WASHC5: variants seen among roughly 807,000 people sequenced by gnomAD.
WASHC5 encodes WASH complex subunit strumpellin.
WASHC5 carries 101 observed loss-of-function variants against 150.4 expected under a neutral mutation model. The observed-to-expected ratio is 0.67, with a 90% CI of 0.57 to 0.79. The LOEUF is 0.79. WASHC5 is among the 30% of genes least tolerant of loss of function. WASHC5 has a pLI of 0.00. For missense variants in WASHC5, 1,195 were observed against 1,396.3 expected (o/e 0.86, Z 2.30); for synonymous variants, 467 against 491.2 (o/e 0.95, Z 0.65).
At position 125,067,646 on chromosome 8, in the gene WASHC5, C is replaced by A; in HGVS notation, c.1224G>T (p.Arg408Ser). 6.2e-7 allele frequency: 1 copy of A among 1,613,358 alleles called. No individual in the cohort carries two copies. The highest frequency in any genetic ancestry group is 8.5e-7 in the Non-Finnish European group (1 of 1,179,514). Residue 408 changes from arginine (R) to serine (S), a missense_variant, in exon 10 of 29, where the codon AGG (arginine) becomes AGT (serine). This residue lies in a region of WASHC5 where 997 missense variants were observed against 1,168.1 expected (regional missense o/e 0.85). Transcript: ENST00000318410. ...TATCTAACAGCAGCTGGAAGAGGATCCTGGGATTGTACCGAGAGTCTGTTA... is the reference window on the plus strand; with the variant it reads ...TATCTAACAGCAGCTGGAAGAGGATACTGGGATTGTACCGAGAGTCTGTTA... ...QILTDSRYNP[R>S]ILFQLLLDTA...
At chr8:125,071,479 C>T (rs1816894156) in intron 9 of WASHC5, among the ~76,000 whole-genome samples, 1 of 152,090 alleles carries the variant, frequency 6.6e-6, no homozygotes, top group Admixed American at 6.5e-5. Flanking sequence ...CTCAGTGGGC[C>T]CATATGTTTT....
chr8:125,060,485 C>CA lies in WASHC5; in HGVS notation c.1521+596dup, dbSNP rs58207257. Among the ~76,000 whole-genome samples, 416 of 130,188 alleles carry CA rather than the reference C, an allele frequency of 3.2e-3. 2 individuals are homozygous for CA. Among genetic ancestry groups the CA allele is most frequent in the Middle Eastern group, 0.019 (5 of 270 alleles). The allele number at this position is 130,188 out of a possible 152,430, so 85.4% of individuals were successfully genotyped here. Reference sequence around the variant, plus strand: ...TGGGTGACAGAACTGGATTCCGTCTCAAAAAAAAAAAAAAGAGTTTATGAT... The same window carrying CA: ...TGGGTGACAGAACTGGATTCCGTCTCAAAAAAAAAAAAAAAGAGTTTATGAT... On this transcript the variant is annotated intron_variant, in intron 12 of 28. Coordinates refer to ENST00000318410, the MANE Select transcript of WASHC5 (RefSeq NM_014846.4).
chr8:125,086,757 G>C (rs756269851), intron 1 of WASHC5, among the ~76,000 whole-genome samples: 2 of 152,154 alleles, frequency 1.3e-5, no homozygotes, highest in Non-Finnish European at 2.9e-5. Flanking sequence ...TTGGGTGTCC[G>C]AAGCTGCCAT....
intron 6 of WASHC5, among the ~76,000 whole-genome samples, chr8:125,076,744 T>TAAAAAAAAAAAA (rs59580091): frequency 1.1e-3 from 143 of 132,214 alleles, no homozygotes; most frequent in South Asian, 2.6e-3. Flanking sequence ...AGTCTTTTCT[T>TAAAAAAAAAAAA]AAAAAAAAAA....
At chr8:125,062,790 A>T (rs77624663) in intron 11 of WASHC5, among the ~76,000 whole-genome samples, 4 of 152,162 alleles carry the variant, frequency 2.6e-5, no homozygotes, top group African/African-American at 9.7e-5. Flanking sequence ...CATCAGAAAT[A>T]GATCTGATAG....
chr8:125,055,473 A>G lies in WASHC5; in HGVS notation c.2097+118T>C. 7 of 765,812 alleles carry G rather than the reference A, an allele frequency of 9.1e-6. 1 individual carries two copies. The highest frequency in any genetic ancestry group is 2.5e-5 in the East Asian group (1 of 40,746). 47.4% of individuals were successfully genotyped at this position (765,812 alleles called of 1,614,324 possible). A position where few individuals can be genotyped will look rare whatever the true frequency, so the allele number is the denominator to read the frequency against. On this transcript the variant is annotated intron_variant, in intron 17 of 28. Coordinates refer to ENST00000318410, the MANE Select transcript of WASHC5 (RefSeq NM_014846.4). ...ATAAATGAGTAAAATGAAGACCGAA[A>G]TTGGAATGTCAAACAGCCAGATGAT...
At position 125,024,602 on chromosome 8, in the gene WASHC5, A is replaced by AAGT; in HGVS notation, c.*12_*14dup. The AAGT allele has an allele frequency of 6.3e-7, 1 of 1,584,066 alleles. No homozygotes were observed. Among genetic ancestry groups the AAGT allele is most frequent in the Non-Finnish European group, 8.7e-7 (1 of 1,152,708 alleles). On this transcript the variant is annotated 3_prime_UTR_variant, in exon 29 of 29. Coordinates refer to ENST00000318410, the MANE Select transcript of WASHC5 (RefSeq NM_014846.4). ...TCTAAGGACAATCCTTCCATTGAAGAAGTAGGAAAAACAGTTACAGCACTG... is the reference window on the plus strand; with the variant it reads ...TCTAAGGACAATCCTTCCATTGAAGAAGTAGTAGGAAAAACAGTTACAGCACTG...
At chr8:125,078,171 T>C (rs1318828704) in intron 6 of WASHC5, among the ~76,000 whole-genome samples, 1 of 152,194 alleles carries the variant, frequency 6.6e-6, no homozygotes, top group African/African-American at 2.4e-5. Flanking sequence ...CTACTACACA[T>C]ACTGGCAAGG....
intron 27 of WASHC5, among the ~76,000 whole-genome samples, chr8:125,029,780 G>A (rs6989556): frequency 0.19 from 28,175 of 152,092 alleles, 3,078 homozygotes; most frequent in Middle Eastern, 0.35. Flanking sequence ...TCCAATTCCT[G>A]TACCAATTGG....
chr8:125,076,744 T>TAAAAAAAAAAAAAAAA lies in WASHC5; in HGVS notation c.712-260_712-245dup, dbSNP rs59580091. ...ACCGCTGCAATTCTAAGTCTTTTCT[T>TAAAAAAAAAAAAAAAA]AAAAAAAAAAAAAAAAAGTCCCATT... On this transcript the variant is annotated intron_variant, in intron 6 of 28. Coordinates refer to ENST00000318410, the MANE Select transcript of WASHC5 (RefSeq NM_014846.4). Among the ~76,000 whole-genome samples, 100 of 132,244 alleles carry TAAAAAAAAAAAAAAAA rather than the reference T, an allele frequency of 7.6e-4. 4 individuals carry two copies. The highest frequency in any genetic ancestry group is 3.0e-3 in the African/African-American group (94 of 31,474). The allele number at this position is 132,244 out of a possible 152,430, so 86.8% of individuals were successfully genotyped here. A position where few individuals can be genotyped will look rare whatever the true frequency, so the allele number is the denominator to read the frequency against.
chr8:125,062,151 G>A (rs1022068847), intron 11 of WASHC5, among the ~76,000 whole-genome samples: 2 of 152,140 alleles, frequency 1.3e-5, no homozygotes, highest in Non-Finnish European at 2.9e-5. Context: ...GGCAGCGATG[G>A]AGTAGTAGAA....
rs73346253 is a variant in WASHC5, at chr8:125,034,191, T to C, written c.3182-1797A>G. On this transcript the variant is annotated intron_variant, in intron 26 of 28. Transcript: ENST00000318410. ...AAATTAAAGCTGCAACAAGATACCA[T>C]AGATACCCATCAGGATGGCTAAAAT... Among the ~76,000 whole-genome samples the C allele has an allele frequency of 1.0e-3, 159 of 152,188 alleles. 2 individuals carry two copies. Among genetic ancestry groups the C allele is most frequent in the African/African-American group, 3.4e-3 (142 of 41,524 alleles).
chr8:125,026,785 T>C (rs1346701677), intron 28 of WASHC5, among the ~76,000 whole-genome samples: 2 of 152,168 alleles, frequency 1.3e-5, no homozygotes, highest in South Asian at 4.1e-4. Context: ...CACCCTATTT[T>C]GGTTTCTACA....
At chr8:125,081,114 T>G (rs543949771) in intron 5 of WASHC5, among the ~76,000 whole-genome samples, 134 of 152,214 alleles carry the variant, frequency 8.8e-4, no homozygotes, top group Admixed American at 2.9e-3. Flanking sequence ...AATCCATACT[T>G]CTAATAATCT....
Position 125,060,048 on chromosome 8 carries a change from A to G in WASHC5, c.1522-506T>C, listed in dbSNP as rs183689240. On this transcript the variant is annotated intron_variant, in intron 12 of 28. Coordinates refer to ENST00000318410, the MANE Select transcript of WASHC5 (RefSeq NM_014846.4). The stretch of plus-strand genomic sequence containing the variant: ...ATTATTTTACTGTGTTGCTGTTTAT[A>G]GCGACCATCCTAAAAACCTTGCAGA... Among the ~76,000 whole-genome samples, 497 of 152,370 alleles carry G rather than the reference A, an allele frequency of 3.3e-3. 2 individuals are homozygous for G. The highest frequency in any genetic ancestry group is 0.01 in the Middle Eastern group (3 of 294).
At chr8:125,079,615 AAG>A (rs112382708) in intron 5 of WASHC5, among the ~76,000 whole-genome samples, 4,632 of 152,302 alleles carry the variant, frequency 0.03, 248 homozygotes, top group African/African-American at 0.1. Flanking sequence ...TTCAAATAGT[AAG>A]AGTCATATGG....
At position 125,039,544 on chromosome 8, in the gene WASHC5, A is replaced by C. The variant is rs4601330; in HGVS notation, c.2954+251T>G. 0.023 allele frequency among the ~76,000 whole-genome samples: 3,492 copies of C among 152,234 alleles called. 60 individuals are homozygous for C. The highest frequency in any genetic ancestry group is 0.049 in the African/African-American group (2,041 of 41,538). ...TTGTTCAGCAGACATGTATTGAATCATGTGATCAGTACCTGTCTGCTGAAT... is the reference window on the plus strand; with the variant it reads ...TTGTTCAGCAGACATGTATTGAATCCTGTGATCAGTACCTGTCTGCTGAAT... On this transcript the variant is annotated intron_variant, in intron 24 of 28. Transcript: ENST00000318410.
Position 125,081,667 on chromosome 8 carries a change from C to A in WASHC5, c.512G>T (p.Arg171Leu). Residue 171 changes from arginine to leucine, a missense_variant, in exon 5 of 29, where the codon CGA (arginine) becomes CTA (leucine). By Grantham distance (102) the Arg-to-Leu change is moderately radical (BLOSUM62 -2). Coordinates refer to ENST00000318410, the MANE Select transcript of WASHC5 (RefSeq NM_014846.4). ...VRERMLVSYY[R>L]YSAARSSADS... is the part of the protein sequence containing the mutation. ...AGTCCTAGCCCAGGAATACCTGTAT[C>A]GGTAGTAAGAAACCAGCATCCTCTC... The A allele has an allele frequency of 6.3e-7, 1 of 1,593,640 alleles. No homozygotes were observed. The highest frequency in any genetic ancestry group is 8.6e-7 in the Non-Finnish European group (1 of 1,162,046).
intron 28 of WASHC5, among the ~76,000 whole-genome samples, chr8:125,026,120 C>T (rs1218690184): frequency 6.6e-6 from 1 of 152,146 alleles, no homozygotes; most frequent in African/African-American, 2.4e-5. Context: ...CCAAATGCTT[C>T]CGAATAATGG....
Sources: allele counts gnomAD v4.1 joint callset (sites outside exome capture counted in the v4.1 genomes callset), GRCh38; gene constraint gnomAD v4.1.1; regional missense constraint gnomAD v4.1.1; transcripts MANE v1.5; gene names NCBI Gene and HGNC (gene_info 2026-07-23, HGNC 2026-07-21).